PCDHAC1: variants seen among roughly 807,000 people sequenced by gnomAD.
PCDHAC1 encodes the protein protocadherin alpha-C1.
PCDHAC1 carries 42 observed loss-of-function variants against 60.0 expected under a neutral mutation model. The ratio of observed to expected loss-of-function variants is 0.70; its 90% CI spans 0.55 to 0.90. PCDHAC1 has a LOEUF of 0.90. PCDHAC1 is among the 40% of genes least tolerant of loss of function. PCDHAC1 has a pLI of 0.00. For synonymous variants in PCDHAC1, 468 were observed against 499.3 expected (o/e 0.94, Z 0.84); for missense variants, 1,160 against 1,222.3 (o/e 0.95, Z 0.76).
intron 1 of PCDHAC1, among the ~76,000 whole-genome samples, chr5:140,972,862 T>C (rs781936892): frequency 2.0e-5 from 3 of 151,966 alleles, no homozygotes; most frequent in Non-Finnish European, 4.4e-5. Context: ...TGGGGTTTCA[T>C]CATGTTGTCC....
chr5:140,972,316 G>GTT (rs112435719), intron 1 of PCDHAC1, among the ~76,000 whole-genome samples: 1 of 139,858 alleles, frequency 7.2e-6, no homozygotes, highest in Non-Finnish European at 1.6e-5. Flanking sequence ...GTTTTTAGGT[G>GTT]TTTTTTTTTT....
intron 3 of PCDHAC1, among the ~76,000 whole-genome samples, chr5:140,988,398 C>A (rs531157517): frequency 1.3e-5 from 2 of 152,238 alleles, no homozygotes; most frequent in Non-Finnish European, 2.9e-5. Context: ...TGCCAGAGTT[C>A]TCTTCGCAGC....
chr5:140,987,214 A>G (rs78124050), intron 3 of PCDHAC1, among the ~76,000 whole-genome samples: 3 of 131,916 alleles, frequency 2.3e-5, no homozygotes, highest in Admixed American at 2.2e-4. Context: ...ACTCCATCTC[A>G]AAAAAAAAAA....
At chr5:140,996,226 G>C (rs2097717630) in intron 3 of PCDHAC1, among the ~76,000 whole-genome samples, 1 of 152,196 alleles carries the variant, frequency 6.6e-6, no homozygotes, top group South Asian at 2.1e-4. Context: ...GTCTAGAAAT[G>C]GTTGCTCAAG....
rs2098417418 is a variant in PCDHAC1, at chr5:141,010,475, T to A, written c.*538T>A. On this transcript the variant is annotated 3_prime_UTR_variant, in exon 4 of 4. Coordinates refer to ENST00000253807, the MANE Select transcript of PCDHAC1 (RefSeq NM_018898.5). ...GGAAGTTATCAGTATGGAGGGGAAG[T>A]GTAAACTTAAAGGGACCAGACTTTC... 16 of 757,310 alleles carry A rather than the reference T, an allele frequency of 2.1e-5. No homozygotes were observed. The highest frequency in any genetic ancestry group is 3.0e-5 in the Non-Finnish European group (15 of 502,774). 46.9% of individuals were successfully genotyped at this position (757,310 alleles called of 1,614,324 possible). A position where few individuals can be genotyped will look rare whatever the true frequency, so the allele number is the denominator to read the frequency against.
In PCDHAC1 at chr5:140,994,514, G is replaced by A. The variant is rs186617066; in HGVS notation, c.2581+11951G>A. On this transcript the variant is annotated intron_variant, in intron 3 of 3. Transcript: ENST00000253807. Reference sequence around the variant, plus strand: ...ACCCAGGAGTTTGAGAACAGCCTGGGCAACATGGCAAAACCCCATCTCTAC... The same window carrying A: ...ACCCAGGAGTTTGAGAACAGCCTGGACAACATGGCAAAACCCCATCTCTAC... Among the ~76,000 whole-genome samples, 76 of 150,406 alleles carry A rather than the reference G, an allele frequency of 5.1e-4. 1 individual carries two copies. The highest frequency in any genetic ancestry group is 8.8e-5 in the Non-Finnish European group (6 of 67,822).
intron 3 of PCDHAC1, among the ~76,000 whole-genome samples, chr5:140,990,426 G>A (rs3756324): frequency 0.3 from 46,292 of 152,022 alleles, 7,253 homozygotes; most frequent in East Asian, 0.43. Flanking sequence ...AACCAGCATT[G>A]ACCCAATCTT....
chr5:140,959,408 A>C (rs1554224058), intron 1 of PCDHAC1, among the ~76,000 whole-genome samples: 2 of 152,124 alleles, frequency 1.3e-5, no homozygotes, highest in Non-Finnish European at 1.5e-5. Context: ...TAAAGTGTTG[A>C]TTGATCTGAG....
At chr5:140,987,296 A>G (rs782162576) in intron 3 of PCDHAC1, among the ~76,000 whole-genome samples, 1 of 152,126 alleles carries the variant, frequency 6.6e-6, no homozygotes, top group African/African-American at 2.4e-5. Context: ...CAAGCCTTCT[A>G]TGTGATACCA....
At chr5:140,968,086 A>G (rs2096217656) in intron 1 of PCDHAC1, 1 of 1,614,058 alleles carries the variant, frequency 6.2e-7, no homozygotes, top group African/African-American at 1.3e-5. Context: ...TCACGGTGAC[A>G]GCCACAGATG....
intron 1 of PCDHAC1, chr5:140,969,317 G>A (rs1554231675): frequency 6.2e-7 from 1 of 1,614,156 alleles, no homozygotes; most frequent in East Asian, 2.2e-5. Context: ...AAATGAGGCT[G>A]TTTCTCAAAA....
intron 1 of PCDHAC1, chr5:140,968,975 T>G (rs782002097): frequency 2.5e-6 from 4 of 1,614,168 alleles, no homozygotes; most frequent in Non-Finnish European, 3.4e-6. Context: ...CTACACTGCG[T>G]ATGGCACTGC....
At chr5:140,968,152 C>A (rs782362724) in intron 1 of PCDHAC1, 6 of 1,614,054 alleles carry the variant, frequency 3.7e-6, no homozygotes, top group Non-Finnish European at 1.7e-6. Flanking sequence ...TCTCTGACAT[C>A]AATGACAATC....
chr5:140,970,373 C>T (rs1554232421), intron 1 of PCDHAC1, among the ~76,000 whole-genome samples: 2 of 152,250 alleles, frequency 1.3e-5, no homozygotes, highest in East Asian at 1.9e-4. Context: ...GCTATAGCTT[C>T]AAAAGGCTGG....
At position 140,969,519 on chromosome 5, in the gene PCDHAC1, G is replaced by A. The variant is rs1586385280; in HGVS notation, c.2434-9430G>A. On this transcript the variant is annotated intron_variant, in intron 1 of 3. Transcript: ENST00000253807. ...TCTAGAAAAATAGCACTAAAGAATTGTTTTATTTTTCATTTTCAGAGGCAT... is the reference window on the plus strand; with the variant it reads ...TCTAGAAAAATAGCACTAAAGAATTATTTTATTTTTCATTTTCAGAGGCAT... The A allele has an allele frequency of 3.6e-6, 5 of 1,406,074 alleles. No individual in the cohort carries two copies. The East Asian group carries it at 1.3e-4, about 35-fold the overall frequency. 87.1% of individuals were successfully genotyped at this position (1,406,074 alleles called of 1,614,324 possible). A position where few individuals can be genotyped will look rare whatever the true frequency, so the allele number is the denominator to read the frequency against.
At chr5:140,973,628 T>G (rs1005772685) in intron 1 of PCDHAC1, among the ~76,000 whole-genome samples, 13 of 152,250 alleles carry the variant, frequency 8.5e-5, no homozygotes, top group Admixed American at 2.6e-4. Context: ...TTCTGTATCT[T>G]GTACACATTC....
chr5:140,959,301 G>A (rs139206577), intron 1 of PCDHAC1, among the ~76,000 whole-genome samples: 161 of 152,140 alleles, frequency 1.1e-3, no homozygotes, highest in Non-Finnish European at 1.1e-3. Context: ...CACTGAGCCC[G>A]GTGGTTGAAG....
In PCDHAC1 at chr5:140,928,228, C is replaced by T; in HGVS notation, c.1336C>T (p.Pro446Ser). ...TGTGAATGACAATACACCAAACTTTCCTCAACCCCAGCAGGAACTTTTCGT... is the reference window on the plus strand; with the variant it reads ...TGTGAATGACAATACACCAAACTTTTCTCAACCCCAGCAGGAACTTTTCGT... ...ADVNDNTPNF[P>S]QPQQELFVAE... The change falls in exon 1 of 4, where the codon CCT becomes TCT. Residue 446 changes from proline to serine, a missense_variant. Physicochemically the swap from Pro to Ser is moderately conservative, Grantham distance 74. Coordinates refer to ENST00000253807, the MANE Select transcript of PCDHAC1 (RefSeq NM_018898.5). The T allele has an allele frequency of 6.2e-7, 1 of 1,614,218 alleles. No individual in the cohort carries two copies. Among genetic ancestry groups the T allele is most frequent in the Non-Finnish European group, 8.5e-7 (1 of 1,180,044 alleles).
Position 140,926,885 on chromosome 5 carries a change from GAGGGA to G in PCDHAC1, c.-7_-3del, listed in dbSNP as rs782449015. ...CGTGTTGGTGGAACGTGGACGCCTA[GAGGGA>G]GGATGGTGGGCTGTGGGGTGGCAGT... is the stretch of plus-strand genomic sequence containing the variant. On this transcript the variant is annotated 5_prime_UTR_variant, in exon 1 of 4. Transcript: ENST00000253807. The G allele has an allele frequency of 6.5e-7, 1 of 1,543,482 alleles. No homozygotes were observed. Among genetic ancestry groups the G allele is most frequent in the Non-Finnish European group, 8.7e-7 (1 of 1,143,498 alleles).
Sources: allele counts gnomAD v4.1 joint callset (sites outside exome capture counted in the v4.1 genomes callset), GRCh38; gene constraint gnomAD v4.1.1; transcripts MANE v1.5; gene names NCBI Gene and HGNC (gene_info 2026-07-23, HGNC 2026-07-21).